SHPRH: variants seen among roughly 807,000 people sequenced by gnomAD.
SHPRH encodes the protein E3 ubiquitin-protein ligase SHPRH.
Under a neutral mutation model 202.5 loss-of-function variants are expected in SHPRH, and 106 were observed. That is an observed-to-expected ratio of 0.52 (90% CI 0.45 to 0.62). The LOEUF (loss-of-function observed/expected upper bound fraction) is 0.62, where lower values mean the gene tolerates loss of function less well. Among genes scored for constraint, SHPRH ranks in the 20% least tolerant of loss-of-function variants. SHPRH has a pLI of 0.00. For missense variants in SHPRH, 1,710 were observed against 2,020.0 expected (o/e 0.85, Z 2.94); for synonymous variants, 729 against 686.0 (o/e 1.06, Z -0.98).
At chr6:145,936,206 ACTG>A (rs757792343) in intron 11 of SHPRH, among the ~76,000 whole-genome samples, 23 of 152,072 alleles carry the variant, frequency 1.5e-4, no homozygotes, top group Non-Finnish European at 3.2e-4. Context: ...TTAATGAAAA[ACTG>A]CTTTGGATAT....
In SHPRH at chr6:145,932,986, C is replaced by A. The variant is rs990239692; in HGVS notation, c.3112+71G>T. ...AAATCCCCCCCCCAAAAATCAAAAT[C>A]TATTTTTTCTATAATTAACCTTCCT... On this transcript the variant is annotated intron_variant, in intron 14 of 29. Transcript: ENST00000275233. The A allele has an allele frequency of 8.7e-6, 13 of 1,494,646 alleles. No individual in the cohort carries two copies. In the African/African-American group the frequency reaches 9.9e-5, roughly 11 times the overall value. The allele number at this position is 1,494,646 out of a possible 1,614,324, so 92.6% of individuals were successfully genotyped here. A position where few individuals can be genotyped will look rare whatever the true frequency, so the allele number is the denominator to read the frequency against.
In SHPRH at chr6:145,933,170, G is replaced by A. The variant is rs1198381991; in HGVS notation, c.2999C>T (p.Thr1000Ile). ...EFLPLQKSTMTMEELLTSLQK... is the reference protein window; with the variant it reads ...EFLPLQKSTMIMEELLTSLQK... The stretch of plus-strand genomic sequence containing the variant: ...CAAAGATGTCAGCAGCTCTTCCATT[G>A]TCATGGTGCTAAAAGAAAAGGTAGA... The change falls in exon 14 of 30, where the codon ACA becomes ATA. Residue 1000 changes from threonine to isoleucine, a missense_variant. Transcript: ENST00000275233. The A allele has an allele frequency of 3.7e-6, 6 of 1,613,722 alleles. No individual in the cohort carries two copies. In the African/African-American group the frequency reaches 6.7e-5, roughly 18 times the overall value.
intron 7 of SHPRH, among the ~76,000 whole-genome samples, 174 bp downstream of exon 7, chr6:145,946,059 T>C (rs1787339452): frequency 6.6e-6 from 1 of 152,076 alleles, no homozygotes; most frequent in Admixed American, 6.6e-5. Flanking sequence ...AACAAAATAA[T>C]ACATCTTTAC....
At chr6:145,883,425 A>T (rs965111787), downstream of SHPRH, 19 of 152,296 alleles carry the variant, frequency 1.2e-4, no homozygotes, top group African/African-American at 4.6e-4. Flanking sequence ...TACTCGTGCT[A>T]TTTTCTGTAT....
intron 3 of SHPRH, among the ~76,000 whole-genome samples, chr6:145,950,896 T>A (rs903711749): frequency 6.6e-6 from 1 of 152,120 alleles, no homozygotes; most frequent in Non-Finnish European, 1.5e-5. Context: ...GGATGTTTTA[T>A]AAACATTTGA....
At position 145,922,827 on chromosome 6, in the gene SHPRH, A is replaced by G. The variant is rs746075754; in HGVS notation, c.3555T>C (p.Asp1185=). The change falls in exon 19 of 30, where the codon GAT becomes GAC. Residue 1185 remains aspartate, a synonymous_variant. Transcript: ENST00000275233. The part of the protein sequence containing the change: ...GKLSMSEKFR[D]CRGLQFLLTT... The stretch of plus-strand genomic sequence containing the variant: ...TAAGTAAGAACTGAAGACCTCTGCA[A>G]TCACGGAACCTGATTCCCACACCAG... 1.2e-6 allele frequency: 2 copies of G among 1,609,268 alleles called. No homozygotes were observed. The highest frequency in any genetic ancestry group is 2.2e-5 in the East Asian group (1 of 44,652).
chr6:145,947,685 A>C (rs983867360), intron 5 of SHPRH, 42 bp from the exon 6 acceptor site: 1 of 1,599,540 alleles, frequency 6.3e-7, no homozygotes, highest in Non-Finnish European at 8.5e-7. Flanking sequence ...AGGAATGTGA[A>C]TACAAATTAC....
chr6:145,913,658 A>G, intron 23 of SHPRH, 109 bp from the exon 24 acceptor site: 1 of 774,156 alleles, frequency 1.3e-6, no homozygotes, highest in Non-Finnish European at 2.0e-6. Context: ...TACAATTTAC[A>G]TAATCTAACA....
At chr6:145,907,740 C>T (rs191434915) in intron 25 of SHPRH, 5 of 152,302 alleles carry the variant, frequency 3.3e-5, no homozygotes, top group Admixed American at 2.6e-4. Flanking sequence ...TAGATACCTG[C>T]TTAACTGTCA....
At chr6:145,893,537 C>A (rs1339502480) in intron 27 of SHPRH, 144 bp from the exon 28 acceptor site, 6 of 713,834 alleles carry the variant, frequency 8.4e-6, no homozygotes, top group Non-Finnish European at 1.0e-5. Flanking sequence ...AAATTACCAA[C>A]TTTAGAAAAT....
At chr6:145,905,719 T>C (rs1482088319) in intron 25 of SHPRH, 1 of 152,074 alleles carries the variant, frequency 6.6e-6, no homozygotes, top group Admixed American at 6.6e-5. Flanking sequence ...TTTTGATCTA[T>C]GGTTGGCTAT....
intron 2 of SHPRH, among the ~76,000 whole-genome samples, chr6:145,872,094 T>G (rs934301612): frequency 6.6e-6 from 1 of 152,052 alleles, no homozygotes; most frequent in African/African-American, 2.4e-5. Flanking sequence ...ATAAAAACAC[T>G]AGAAGAAAAC....
chr6:145,946,870 C>T (rs894497866), intron 6 of SHPRH, among the ~76,000 whole-genome samples: 7 of 151,712 alleles, frequency 4.6e-5, no homozygotes, highest in Non-Finnish European at 8.8e-5. Context: ...ATAATTATAC[C>T]TTTAACTACT....
chr6:145,931,465 G>A (rs1223206224), intron 14 of SHPRH, among the ~76,000 whole-genome samples: 1 of 152,036 alleles, frequency 6.6e-6, no homozygotes, highest in Non-Finnish European at 1.5e-5. Context: ...TGATTCTCCT[G>A]TCTCAGCCTC....
intron 1 of SHPRH, among the ~76,000 whole-genome samples, chr6:145,963,137 G>A (rs974364824): frequency 9.2e-5 from 14 of 152,090 alleles, no homozygotes; most frequent in African/African-American, 3.4e-4. Flanking sequence ...AGAAAGTGCA[G>A]GTTATCGAGC....
At chr6:145,926,124 G>T in intron 16 of SHPRH, 80 bp downstream of exon 16, 1 of 1,212,020 alleles carries the variant, frequency 8.3e-7, no homozygotes. Flanking sequence ...TATGTTGTAT[G>T]TCCTAGGATA....
intron 14 of SHPRH, among the ~76,000 whole-genome samples, chr6:145,929,454 TTTC>T (rs1010157823): frequency 6.6e-6 from 1 of 152,068 alleles, no homozygotes; most frequent in Non-Finnish European, 1.5e-5. Context: ...TAATTTTAGA[TTTC>T]TTTTAAAAGT....
At chr6:145,870,237 GT>G in intron 2 of SHPRH, among the ~76,000 whole-genome samples, 5 of 149,390 alleles carry the variant, frequency 3.3e-5, no homozygotes. Flanking sequence ...TTCCAGAAGG[GT>G]TTTTTTGTCA....
chr6:145,871,027 A>C (rs144090732), intron 2 of SHPRH: 187 of 152,344 alleles, frequency 1.2e-3, no homozygotes, highest in African/African-American at 4.0e-3. Flanking sequence ...AAAACTCTCA[A>C]TAAACTAGGT....
Sources: gnomAD v4.1 joint callset for allele counts (sites outside exome capture counted in the v4.1 genomes callset) on GRCh38, gnomAD v4.1.1 for gene constraint, MANE v1.5 for transcripts, NCBI Gene and HGNC (gene_info 2026-07-23, HGNC 2026-07-21) for gene names.